Variants in TAFA5 observed in about 807,000 individuals in gnomAD.
TAFA5 encodes the protein TAFA chemokine like family member 5, also known as chemokine-like protein TAFA-5.
Under a neutral mutation model 15.3 loss-of-function variants are expected in TAFA5, and 6 were observed. The ratio of observed to expected loss-of-function variants is 0.39; its 90% CI spans 0.21 to 0.77. The LOEUF is 0.77. Among genes scored for constraint, TAFA5 ranks in the 30% least tolerant of loss-of-function variants. The probability of loss-of-function intolerance (pLI) is 0.41; values close to 1 mark genes in which losing one functional copy is unlikely to be tolerated. For missense variants in TAFA5, 161 were observed against 193.1 expected (o/e 0.83, Z 0.98); for synonymous variants, 103 against 80.7 (o/e 1.28, Z -1.48).
intron 1 of TAFA5, among the ~76,000 whole-genome samples, chr22:48,514,508 G>C (rs1178153489): frequency 6.6e-6 from 1 of 152,160 alleles, no homozygotes; most frequent in Non-Finnish European, 1.5e-5. Context: ...CGCGGCTCCT[G>C]GCCCTCCAGA....
In TAFA5 at chr22:48,566,888, A is replaced by G. The variant is rs527265984; in HGVS notation, c.112+77184A>G. On this transcript the variant is annotated intron_variant, in intron 1 of 3. Coordinates refer to ENST00000402357, the MANE Select transcript of TAFA5 (RefSeq NM_001082967.3). The surrounding 1 kb of genome is among the most constrained non-coding windows in gnomAD (Gnocchi z 4.5). ...GTAGTTTGCTCACCACTGTGGTTTCATGATTTACGCCTGGGGCCGTCAGTG... is the reference window on the plus strand; with the variant it reads ...GTAGTTTGCTCACCACTGTGGTTTCGTGATTTACGCCTGGGGCCGTCAGTG... Among the ~76,000 whole-genome samples the G allele has an allele frequency of 6.6e-6, 1 of 152,228 alleles. No individual in the cohort carries two copies. The highest frequency in any genetic ancestry group is 2.1e-4 in the South Asian group (1 of 4,818).
chr22:48,666,744 T>A (rs1400342857), intron 2 of TAFA5, among the ~76,000 whole-genome samples: 1 of 152,166 alleles, frequency 6.6e-6, no homozygotes, highest in Non-Finnish European at 1.5e-5. Flanking sequence ...GGGTTTCACA[T>A]GCCCCAGCTC....
chr22:48,541,105 G>T (rs133471), intron 1 of TAFA5, among the ~76,000 whole-genome samples: 3 of 152,008 alleles, frequency 2.0e-5, no homozygotes, highest in Non-Finnish European at 4.4e-5. Context: ...GCCACTGAAC[G>T]GCAGCACTTC....
chr22:48,601,300 T>G (rs1233092115), intron 1 of TAFA5, among the ~76,000 whole-genome samples: 3 of 152,222 alleles, frequency 2.0e-5, no homozygotes, highest in Admixed American at 2.0e-4. Flanking sequence ...ATATGACGTG[T>G]GTATATATCC....
chr22:48,569,106 G>A (rs908125885), intron 1 of TAFA5, among the ~76,000 whole-genome samples: 9 of 152,262 alleles, frequency 5.9e-5, no homozygotes, highest in South Asian at 2.1e-4. Flanking sequence ...CTACACAGCC[G>A]CCTCCCCTCT....
At chr22:48,559,963 G>T (rs1046245450) in intron 1 of TAFA5, among the ~76,000 whole-genome samples, 4 of 152,212 alleles carry the variant, frequency 2.6e-5, no homozygotes, top group Non-Finnish European at 5.9e-5. Context: ...AGGACCTGAG[G>T]CCAGAATGCA....
At chr22:48,551,776 C>T (rs1265351358) in intron 1 of TAFA5, among the ~76,000 whole-genome samples, 1 of 152,162 alleles carries the variant, frequency 6.6e-6, no homozygotes, top group Non-Finnish European at 1.5e-5. Context: ...TCTCGCCTCC[C>T]CAAAGACCCT....
intron 1 of TAFA5, among the ~76,000 whole-genome samples, chr22:48,575,540 G>C (rs1371092242): frequency 1.4e-5 from 2 of 146,064 alleles, no homozygotes; most frequent in African/African-American, 4.9e-5. Context: ...CCGGAGCAGC[G>C]GCGTCCCGCG....
At chr22:48,615,059 A>T (rs1925548324) in intron 1 of TAFA5, among the ~76,000 whole-genome samples, 1 of 152,088 alleles carries the variant, frequency 6.6e-6, no homozygotes, top group Admixed American at 6.6e-5. Context: ...CCACAACCAG[A>T]TTCTAGGAAG....
At chr22:48,680,047 C>T (rs866270326) in intron 2 of TAFA5, among the ~76,000 whole-genome samples, 37 of 152,226 alleles carry the variant, frequency 2.4e-4, no homozygotes, top group Admixed American at 5.9e-4. Flanking sequence ...GCAGAGGGCC[C>T]GGTTCAACCG....
At chr22:48,738,984 A>C (rs1930107168) in intron 3 of TAFA5, among the ~76,000 whole-genome samples, 1 of 152,170 alleles carries the variant, frequency 6.6e-6, no homozygotes, top group Non-Finnish European at 1.5e-5. Context: ...TCTCACCTGG[A>C]TCCTGGTATT....
intron 1 of TAFA5, among the ~76,000 whole-genome samples, chr22:48,574,984 G>C (rs1923710910): frequency 6.6e-6 from 1 of 152,244 alleles, no homozygotes; most frequent in African/African-American, 2.4e-5. Flanking sequence ...CAGCTGGCTG[G>C]AGGGTGGTAC....
At chr22:48,633,514 CTGTCTG>C (rs1270181145) in intron 1 of TAFA5, among the ~76,000 whole-genome samples, 1,453 of 73,742 alleles carry the variant, frequency 0.02, 34 homozygotes, top group African/African-American at 0.074. Flanking sequence ...GTCTGTCTGT[CTGTCTG>C]TCTGTCTGTC....
chr22:48,567,991 C>G (rs1467685498), intron 1 of TAFA5, among the ~76,000 whole-genome samples: 1 of 152,238 alleles, frequency 6.6e-6, no homozygotes, highest in African/African-American at 2.4e-5. Context: ...TGGGCAGCGT[C>G]TGTGCCAGCT....
intron 1 of TAFA5, among the ~76,000 whole-genome samples, chr22:48,621,552 C>T (rs1309027017): frequency 2.6e-5 from 4 of 152,062 alleles, no homozygotes; most frequent in Admixed American, 6.5e-5. Context: ...AGGGCATCGG[C>T]GGTTGTAGCA....
chr22:48,690,791 T>C (rs1448473443), intron 2 of TAFA5, among the ~76,000 whole-genome samples: 1 of 152,202 alleles, frequency 6.6e-6, no homozygotes, highest in African/African-American at 2.4e-5. Context: ...GGCCTTGGCC[T>C]CTGCCCAGGA....
At chr22:48,640,598 G>C (rs902384144) in intron 1 of TAFA5, among the ~76,000 whole-genome samples, 4 of 148,820 alleles carry the variant, frequency 2.7e-5, no homozygotes, top group African/African-American at 9.7e-5. Context: ...TTTACCCCGG[G>C]GCCATTTCTT....
In TAFA5 at chr22:48,577,877, G is replaced by C. The variant is rs529638724; in HGVS notation, c.113-68720G>C. Among the ~76,000 whole-genome samples the C allele has an allele frequency of 2.0e-5, 3 of 152,320 alleles. No homozygotes were observed. In the South Asian group the frequency reaches 6.2e-4, roughly 32 times the overall value. On this transcript the variant is annotated intron_variant, in intron 1 of 3. Coordinates refer to ENST00000402357, the MANE Select transcript of TAFA5 (RefSeq NM_001082967.3). ...CAGGTGGGAGGCCCAACTTCTTCCT[G>C]CTGCCTTGCTGACCCACTTCAGGAG...
intron 2 of TAFA5, among the ~76,000 whole-genome samples, chr22:48,702,553 G>GC (rs1311408117): frequency 6.8e-6 from 1 of 147,616 alleles, no homozygotes; most frequent in Non-Finnish European, 1.5e-5. Flanking sequence ...TGCCCTTTAC[G>GC]CCCCGTGCCC....
Sources: gnomAD v4.1 joint callset for allele counts (sites outside exome capture counted in the v4.1 genomes callset) on GRCh38, gnomAD v4.1.1 for gene constraint, Gnocchi (gnomAD v3.1) non-coding constraint, MANE v1.5 for transcripts, NCBI Gene and HGNC (gene_info 2026-07-23, HGNC 2026-07-21) for gene names.